Variants in NELL2 observed in about 807,000 individuals in gnomAD.
NELL2 encodes neural EGFL like 2.
A neutral mutation model predicts 109.6 loss-of-function variants in NELL2; 41 were observed. That is an observed-to-expected ratio of 0.37 (90% CI 0.29 to 0.49). The LOEUF is 0.49. Ranked by LOEUF, NELL2 falls within the 20% of genes least tolerant of loss-of-function variation. The pLI, the probability that NELL2 is intolerant of heterozygous loss-of-function variation, is 0.98. For synonymous variants in NELL2, 355 were observed against 344.7 expected (o/e 1.03, Z -0.33); for missense variants, 900 against 1,008.3 (o/e 0.89, Z 1.45).
chr12:44,566,886 A>G (rs759386877), intron 15 of NELL2, among the ~76,000 whole-genome samples: 5 of 151,918 alleles, frequency 3.3e-5, no homozygotes, highest in Middle Eastern at 3.4e-3. Flanking sequence ...ATCTTGGCTC[A>G]CTGAAACATC....
chr12:44,775,749 G>T (rs765916977), intron 8 of NELL2, among the ~76,000 whole-genome samples: 6 of 152,234 alleles, frequency 3.9e-5, no homozygotes, highest in Non-Finnish European at 7.4e-5. Flanking sequence ...TCTTCTTTAG[G>T]AATCACTTTA....
intron 9 of NELL2, among the ~76,000 whole-genome samples, chr12:44,723,577 T>C (rs910859929): frequency 2.0e-5 from 3 of 152,222 alleles, no homozygotes; most frequent in African/African-American, 7.2e-5. Flanking sequence ...TATTGTAGTC[T>C]TGATTATATA....
At chr12:44,821,386 A>C (rs1305221916) in intron 2 of NELL2, among the ~76,000 whole-genome samples, 1 of 152,236 alleles carries the variant, frequency 6.6e-6, no homozygotes, top group Admixed American at 6.5e-5. Context: ...ATTGCCAGTC[A>C]CAAACAAATG....
At chr12:44,894,139 A>G (rs1055415410) in intron 1 of NELL2, among the ~76,000 whole-genome samples, 1 of 152,218 alleles carries the variant, frequency 6.6e-6, no homozygotes, top group African/African-American at 2.4e-5. Flanking sequence ...TTAGTCATCC[A>G]TAATCATAAA....
At chr12:44,695,529 T>A (rs987964727) in intron 12 of NELL2, among the ~76,000 whole-genome samples, 1 of 152,136 alleles carries the variant, frequency 6.6e-6, no homozygotes, top group African/African-American at 2.4e-5. Context: ...AGACCCCATC[T>A]CTACCAAAAG....
rs191278450 is a variant in NELL2, at chr12:44,602,818, A to G, written c.1663+4351T>C. Reference sequence around the variant, plus strand: ...AAAAACAAATATTAATGAAATCAACATATACCTTTTATGATGAAAAATGTG... The same window carrying G: ...AAAAACAAATATTAATGAAATCAACGTATACCTTTTATGATGAAAAATGTG... On this transcript the variant is annotated intron_variant, in intron 15 of 19. Transcript: ENST00000429094. Among the ~76,000 whole-genome samples, 5 of 152,298 alleles carry G rather than the reference A, an allele frequency of 3.3e-5. No individual in the cohort carries two copies. The East Asian group carries it at 7.7e-4, about 23-fold the overall frequency.
At chr12:44,916,106 A>T (rs1945826739), upstream of NELL2, among the ~76,000 whole-genome samples, 1 of 152,246 alleles carries the variant, frequency 6.6e-6, no homozygotes, top group Admixed American at 6.5e-5. Flanking sequence ...TTAAAGTATC[A>T]AAAAGCCTAC....
At chr12:44,600,211 G>A (rs758135202) in intron 15 of NELL2, among the ~76,000 whole-genome samples, 1 of 149,014 alleles carries the variant, frequency 6.7e-6, no homozygotes, top group Non-Finnish European at 1.5e-5. Flanking sequence ...GGGCTTCACC[G>A]TGTTAGTCAG....
intron 15 of NELL2, among the ~76,000 whole-genome samples, chr12:44,563,305 A>C (rs554978517): frequency 3.2e-4 from 48 of 152,246 alleles, no homozygotes; most frequent in South Asian, 1.0e-3. Context: ...CCAGAACTTA[A>C]AGTATAATAA....
intron 11 of NELL2, among the ~76,000 whole-genome samples, chr12:44,710,854 T>C (rs778920828): frequency 2.8e-4 from 43 of 152,092 alleles, no homozygotes; most frequent in African/African-American, 1.0e-3. Flanking sequence ...AGAAAGGGAT[T>C]TGAAGTAGTC....
intron 1 of NELL2, among the ~76,000 whole-genome samples, chr12:44,888,571 A>C (rs1411716687): frequency 6.6e-6 from 1 of 151,922 alleles, no homozygotes; most frequent in African/African-American, 2.4e-5. Context: ...AAAACCTAAA[A>C]ATAAAGAAAA....
intron 3 of NELL2, among the ~76,000 whole-genome samples, chr12:44,785,569 C>G (rs554070053): frequency 6.6e-6 from 1 of 152,260 alleles, no homozygotes; most frequent in African/African-American, 2.4e-5. Flanking sequence ...CCCATATGGA[C>G]AAGACAATCT....
intron 2 of NELL2, among the ~76,000 whole-genome samples, chr12:44,873,286 A>T (rs570733321): frequency 6.6e-6 from 1 of 152,300 alleles, no homozygotes; most frequent in East Asian, 1.9e-4. Context: ...AAAACAACCA[A>T]TTCATCAATG....
intron 3 of NELL2, among the ~76,000 whole-genome samples, chr12:44,808,978 A>T (rs1430485987): frequency 6.6e-6 from 1 of 152,072 alleles, no homozygotes; most frequent in Non-Finnish European, 1.5e-5. Context: ...ATCTCCATGT[A>T]TGCTATCTGC....
chr12:44,851,517 T>C (rs11182712), intron 2 of NELL2, among the ~76,000 whole-genome samples: 3,143 of 152,312 alleles, frequency 0.021, 113 homozygotes, highest in East Asian at 0.18. Flanking sequence ...AGTATGATCT[T>C]GTTTCAATCC....
At chr12:44,509,110 A>T (rs1184278681) in intron 19 of NELL2, 126 bp from the exon 20 acceptor site, 2 of 743,606 alleles carry the variant, frequency 2.7e-6, no homozygotes, top group African/African-American at 3.6e-5. Context: ...TAAAAATTCA[A>T]TGGCCCAATC....
At chr12:44,617,413 C>A (rs1486679607) in intron 13 of NELL2, among the ~76,000 whole-genome samples, 2 of 105,834 alleles carry the variant, frequency 1.9e-5, no homozygotes, top group South Asian at 2.2e-4. Flanking sequence ...TGTGGCCGGG[C>A]GCGGTGGCTC....
chr12:44,567,117 T>A (rs967603123), intron 15 of NELL2, among the ~76,000 whole-genome samples: 5 of 152,204 alleles, frequency 3.3e-5, no homozygotes, highest in African/African-American at 1.2e-4. Flanking sequence ...GCCTACTATA[T>A]GCATTTTTAT....
chr12:44,609,582 A>G (rs1219966329), intron 14 of NELL2, among the ~76,000 whole-genome samples: 1 of 152,104 alleles, frequency 6.6e-6, no homozygotes, highest in Non-Finnish European at 1.5e-5. Context: ...ACATTCTAAA[A>G]GTCTAGCTTT....
Sources: gnomAD v4.1 joint callset for allele counts (sites outside exome capture counted in the v4.1 genomes callset) on GRCh38, gnomAD v4.1.1 for gene constraint, MANE v1.5 for transcripts, NCBI Gene and HGNC (gene_info 2026-07-23, HGNC 2026-07-21) for gene names.